Variants in CACHD1 observed in about 807,000 individuals in gnomAD.
CACHD1 encodes the protein VWFA and cache domain-containing protein 1.
In CACHD1, 71 loss-of-function variants were observed where a neutral mutation model predicts 138.7. That is an observed-to-expected ratio of 0.51 (90% CI 0.42 to 0.62). CACHD1 has a LOEUF of 0.62. CACHD1 is among the 20% of genes least tolerant of loss of function. The pLI, the probability that CACHD1 is intolerant of heterozygous loss-of-function variation, is 0.00. For missense variants in CACHD1, 1,389 were observed against 1,625.3 expected (o/e 0.85, Z 2.50); for synonymous variants, 578 against 591.5 (o/e 0.98, Z 0.33).
intron 3 of CACHD1, among the ~76,000 whole-genome samples, chr1:64,589,793 T>C (rs1379245353): frequency 6.6e-6 from 1 of 152,196 alleles, no homozygotes; most frequent in Admixed American, 6.5e-5. Flanking sequence ...ACATCTAAAA[T>C]AGTGTTTGGC....
rs1394444967 is a variant in CACHD1, at chr1:64,566,699, CT to C, written c.262-15445del. ...AGGCTTTTTTTTAAATGGTCTATCA[CT>C]TTTTTTTTTTTAAAGGGAAGATTTA... On this transcript the variant is annotated intron_variant, in intron 2 of 26. Transcript: ENST00000651257. Among the ~76,000 whole-genome samples the C allele has an allele frequency of 1.3e-3, 186 of 141,948 alleles. 1 individual carries two copies. Among genetic ancestry groups the C allele is most frequent in the Admixed American group, 1.5e-3 (21 of 14,182 alleles). The allele number at this position is 141,948 out of a possible 152,430, so 93.1% of individuals were successfully genotyped here. A position where few individuals can be genotyped will look rare whatever the true frequency, so the allele number is the denominator to read the frequency against.
At position 64,678,293 on chromosome 1, in the gene CACHD1, A is replaced by G. The variant is rs906828255; in HGVS notation, c.3227A>G (p.Asp1076Gly). 5 of 1,585,136 alleles carry G rather than the reference A, an allele frequency of 3.2e-6. No homozygotes were observed. In the East Asian group the frequency reaches 1.1e-4, roughly 36 times the overall value. The change falls in exon 23 of 27, where the codon GAT becomes GGT. Residue 1076 changes from aspartate to glycine, a missense_variant. By Grantham distance (94) the Asp-to-Gly change is moderately conservative. Coordinates refer to ENST00000651257, the MANE Select transcript of CACHD1 (RefSeq NM_020925.4). Reference sequence around the variant, plus strand: ...GTGGGAGCCAAAAGTCCCTACGTTGATGACATGGGAGCAATAGGTATGTTT... The same window carrying G: ...GTGGGAGCCAAAAGTCCCTACGTTGGTGACATGGGAGCAATAGGTATGTTT... ...GIVGAKSPYV[D>G]DMGAIGDEVI...
rs60577216 is a variant in CACHD1 at position 64,546,727 on chromosome 1, A to G, written c.199-3867A>G. ...AGGAAAATCTTTACCCTGAAGTCAC[A>G]AAAATGTTGGCTAGGTGTATCATTT... On this transcript the variant is annotated intron_variant, in intron 1 of 26. Transcript: ENST00000651257. Among the ~76,000 whole-genome samples, 434 of 152,288 alleles carry G rather than the reference A, an allele frequency of 2.8e-3. 3 individuals are homozygous for G. The highest frequency in any genetic ancestry group is 0.01 in the African/African-American group (419 of 41,550).
At chr1:64,488,252 G>C (rs1002646621) in intron 1 of CACHD1, among the ~76,000 whole-genome samples, 2 of 152,208 alleles carry the variant, frequency 1.3e-5, no homozygotes, top group South Asian at 2.1e-4. Flanking sequence ...TCATTGTACA[G>C]AGAATCTCAT....
At chr1:64,629,534 A>C in intron 5 of CACHD1, 53 bp downstream of exon 5, 1 of 1,574,172 alleles carries the variant, frequency 6.4e-7, no homozygotes, top group South Asian at 1.2e-5. Flanking sequence ...AGTGATCTAC[A>C]TGAAATATAA....
chr1:64,470,331 C>T lies in CACHD1; in HGVS notation c.-414C>T, dbSNP rs1646134843. ...CCGTCAGTCCTCGCCGCCGCCTGCT[C>T]GCTGCGCTGGGACTCGCAGGAAGCG... On this transcript the variant is annotated 5_prime_UTR_variant, in exon 1 of 27. Coordinates refer to ENST00000651257, the MANE Select transcript of CACHD1 (RefSeq NM_020925.4). The surrounding 1 kb of genome is among the most constrained non-coding windows in gnomAD (Gnocchi z 5.2). Among the ~76,000 whole-genome samples the T allele has an allele frequency of 6.6e-6, 1 of 152,028 alleles. No individual in the cohort carries two copies. The highest frequency in any genetic ancestry group is 6.5e-5 in the Admixed American group (1 of 15,284).
intron 2 of CACHD1, among the ~76,000 whole-genome samples, chr1:64,552,816 A>T (rs965438786): frequency 6.6e-6 from 1 of 152,202 alleles, no homozygotes; most frequent in African/African-American, 2.4e-5. Flanking sequence ...GTTTATTTTT[A>T]AAATACATGT....
intron 1 of CACHD1, chr1:64,505,895 C>T (rs974185759): frequency 9.1e-5 from 9 of 99,390 alleles, no homozygotes; most frequent in African/African-American, 3.0e-4. Context: ...CGCTTCGTCC[C>T]CGGCCGCCCG....
intron 1 of CACHD1, among the ~76,000 whole-genome samples, chr1:64,496,781 T>G (rs1459405289): frequency 2.0e-5 from 3 of 150,814 alleles, no homozygotes; most frequent in African/African-American, 7.3e-5. Context: ...TGAAGTCACA[T>G]GACATGGACT....
intron 1 of CACHD1, among the ~76,000 whole-genome samples, chr1:64,545,372 C>T (rs2100440667): frequency 6.6e-6 from 1 of 152,268 alleles, no homozygotes; most frequent in African/African-American, 2.4e-5. Context: ...CTATTCTATT[C>T]ATTCTCCCAC....
At chr1:64,627,463 AACCTTCAGAACAGG>A (rs1333475276) in intron 4 of CACHD1, among the ~76,000 whole-genome samples, 3 of 152,100 alleles carry the variant, frequency 2.0e-5, no homozygotes, top group Non-Finnish European at 4.4e-5. Context: ...TAATATAACA[AACCTTCAGAACAGG>A]ACAGTCACTG....
intron 1 of CACHD1, among the ~76,000 whole-genome samples, chr1:64,522,637 T>C (rs1173813727): frequency 6.6e-6 from 1 of 152,092 alleles, no homozygotes; most frequent in Admixed American, 6.6e-5. Context: ...TAAGATGTTA[T>C]CAATGGGGGA....
At chr1:64,592,565 T>G (rs922766023) in intron 3 of CACHD1, among the ~76,000 whole-genome samples, 1 of 152,138 alleles carries the variant, frequency 6.6e-6, no homozygotes, top group Non-Finnish European at 1.5e-5. Flanking sequence ...GGAAAAATGC[T>G]TCAGACCAGA....
chr1:64,548,898 G>A (rs937063326), intron 1 of CACHD1, among the ~76,000 whole-genome samples: 5 of 152,162 alleles, frequency 3.3e-5, no homozygotes, highest in East Asian at 1.9e-4. Context: ...GCTCATGACC[G>A]CAGCATCTTT....
intron 3 of CACHD1, among the ~76,000 whole-genome samples, chr1:64,594,711 A>G (rs1456946389): frequency 2.0e-5 from 3 of 152,246 alleles, no homozygotes; most frequent in South Asian, 2.1e-4. Flanking sequence ...TGGATTTTAA[A>G]TAGAGATGGT....
intron 1 of CACHD1, among the ~76,000 whole-genome samples, chr1:64,479,016 C>T (rs1646194113): frequency 6.6e-6 from 1 of 151,544 alleles, no homozygotes; most frequent in African/African-American, 2.4e-5. Context: ...TGGGCCAAAC[C>T]AAACATGTCT....
chr1:64,473,328 A>G (rs1646156695), intron 1 of CACHD1, among the ~76,000 whole-genome samples: 1 of 152,170 alleles, frequency 6.6e-6, no homozygotes, highest in East Asian at 1.9e-4. Flanking sequence ...GTCGGAAAAA[A>G]AAAAGTCGAA....
chr1:64,691,478 T>G lies in CACHD1; in HGVS notation c.3742T>G (p.Tyr1248Asp), dbSNP rs770616109. 5.6e-6 allele frequency: 9 copies of G among 1,613,968 alleles called. No individual in the cohort carries two copies. The highest frequency in any genetic ancestry group is 7.6e-6 in the Non-Finnish European group (9 of 1,180,028). Residue 1248 changes from tyrosine to aspartate, a missense_variant, in exon 27 of 27, where the codon TAC (tyrosine) becomes GAC (aspartate). By Grantham distance (160) the Tyr-to-Asp change is radical (BLOSUM62 -3). Transcript: ENST00000651257. ...AALLSHKFHHYRSHHPTLHHS... is the reference protein window; with the variant it reads ...AALLSHKFHHDRSHHPTLHHS... ...CCTACTAAGTCACAAGTTCCACCAC[T>G]ACCGGTCACACCACCCTACACTTCA...
At chr1:64,524,849 C>T (rs1271182023) in intron 1 of CACHD1, among the ~76,000 whole-genome samples, 1 of 152,168 alleles carries the variant, frequency 6.6e-6, no homozygotes, top group Non-Finnish European at 1.5e-5. Context: ...TTCCTTACTG[C>T]TTTCCGAATA....
Sources: gnomAD v4.1 joint callset for allele counts (sites outside exome capture counted in the v4.1 genomes callset) on GRCh38, gnomAD v4.1.1 for gene constraint, Gnocchi (gnomAD v3.1) non-coding constraint, MANE v1.5 for transcripts, NCBI Gene and HGNC (gene_info 2026-07-23, HGNC 2026-07-21) for gene names.